Variants in POLE observed in about 807,000 individuals in gnomAD.
POLE encodes DNA polymerase epsilon, catalytic subunit.
In POLE, 188 loss-of-function variants were observed where a neutral mutation model predicts 279.2. That is an observed-to-expected ratio of 0.67 (90% CI 0.60 to 0.76). The LOEUF (loss-of-function observed/expected upper bound fraction) is 0.76. Among genes scored for constraint, POLE ranks in the 30% least tolerant of loss-of-function variants. POLE has a pLI of 0.00. For synonymous variants in POLE, 1,214 were observed against 1,172.5 expected, an observed-to-expected ratio of 1.04 and a Z score of -0.72; for missense variants, 2,703 against 3,016.7, an observed-to-expected ratio of 0.90 and a Z score of 2.44.
intron 1 of POLE, among the ~76,000 whole-genome samples, chr12:132,685,859 G>A (rs570515515): frequency 6.6e-6 from 1 of 151,806 alleles, no homozygotes; most frequent in South Asian, 2.1e-4. Context: ...AAAGCTTCAC[G>A]TTCTCACACG....
At chr12:132,682,868 G>A (rs549234346) in intron 1 of POLE, among the ~76,000 whole-genome samples, 1 of 151,894 alleles carries the variant, frequency 6.6e-6, no homozygotes, top group Non-Finnish European at 1.5e-5. Context: ...CAGGAGAATG[G>A]CGTGAATCCA....
chr12:132,675,984 A>C lies in POLE; in HGVS notation c.1020+110T>G, dbSNP rs1157682816. 1 of 923,986 alleles carries C rather than the reference A, an allele frequency of 1.1e-6. No homozygotes were observed. Among genetic ancestry groups the C allele is most frequent in the Non-Finnish European group, 1.7e-6 (1 of 591,114 alleles). 57.2% of individuals were successfully genotyped at this position (923,986 alleles called of 1,614,324 possible). A position where few individuals can be genotyped will look rare whatever the true frequency, so the allele number is the denominator to read the frequency against. ...AAAGACGGTCATACCCTGAGAACAAAGCTCATGGAGCTGCAATTCTGATCT... is the reference window on the plus strand; with the variant it reads ...AAAGACGGTCATACCCTGAGAACAACGCTCATGGAGCTGCAATTCTGATCT... On this transcript the variant is annotated intron_variant, in intron 10 of 48. Transcript: ENST00000320574. The surrounding 1 kb of genome is among the most constrained non-coding windows in gnomAD (Gnocchi z 4.3).
At position 132,636,050 on chromosome 12, in the gene POLE, G is replaced by A. The variant is rs1408593795; in HGVS notation, c.5679-26C>T. The stretch of plus-strand genomic sequence containing the variant: ...CTGCAGAGGAAGCATTGAAGACGCT[G>A]CTTCAGTGAAATCGACCTTGTTCTC... On this transcript the variant is annotated intron_variant, in intron 41 of 48. Coordinates refer to ENST00000320574, the MANE Select transcript of POLE (RefSeq NM_006231.4). 5 of 1,601,468 alleles carry A rather than the reference G, an allele frequency of 3.1e-6. No homozygotes were observed. The highest frequency in any genetic ancestry group is 3.4e-6 in the Non-Finnish European group (4 of 1,173,960).
chr12:132,625,088 C>A, intron 47 of POLE, 94 bp from the exon 48 acceptor site: 1 of 912,562 alleles, frequency 1.1e-6, no homozygotes, highest in Non-Finnish European at 1.8e-6. Context: ...CATTCGTGGG[C>A]CCATCAGTAA....
intron 47 of POLE, chr12:132,625,434 C>G (rs772068192): frequency 1.3e-6 from 1 of 773,598 alleles, no homozygotes; most frequent in Admixed American, 1.7e-5. Flanking sequence ...AACGAAGCAC[C>G]CACAAGGCCA....
intron 1 of POLE, 85 bp downstream of exon 1, chr12:132,687,169 T>A: frequency 1.2e-6 from 1 of 833,532 alleles, no homozygotes; most frequent in Non-Finnish European, 1.6e-6. Context: ...CGGGCCTCCC[T>A]CCCGCCTCGG....
Position 132,643,669 on chromosome 12 carries a change from C to T in POLE, c.4291-109G>A. The T allele has an allele frequency of 2.6e-6, 4 of 1,532,268 alleles. 1 individual carries two copies. In the South Asian group the frequency reaches 4.7e-5, roughly 18 times the overall value. The allele number at this position is 1,532,268 out of a possible 1,614,324, so 94.9% of individuals were successfully genotyped here. ...TGTGCCCCTGCAGCTGCCCGGCCCA[C>T]TGCCCAAAGGCCACTTTTGGCAGAC... On this transcript the variant is annotated intron_variant, in intron 33 of 48. Transcript: ENST00000320574.
intron 13 of POLE, 70 bp from the exon 14 acceptor site, chr12:132,673,347 A>C: frequency 8.0e-7 from 1 of 1,255,310 alleles, no homozygotes; most frequent in Non-Finnish European, 1.2e-6. Flanking sequence ...GAAGCACAGA[A>C]AGCAAAGCCT....
chr12:132,639,768 A>G lies in POLE; in HGVS notation c.5379-470T>C, dbSNP rs530221274. ...AGAGTTTGAGACCAACCTGGCCAAC[A>G]TGGTGAAACCCCGTCTCTATTAAAA... On this transcript the variant is annotated intron_variant, in intron 39 of 48. Transcript: ENST00000320574. The surrounding 1 kb of genome is among the most constrained non-coding windows in gnomAD (Gnocchi z 4.7). 2.0e-5 allele frequency among the ~76,000 whole-genome samples: 3 copies of G among 152,298 alleles called. No individual in the cohort carries two copies. Among genetic ancestry groups the G allele is most frequent in the East Asian group, 1.9e-4 (1 of 5,172 alleles).
At position 132,664,012 on chromosome 12, in the gene POLE, T is replaced by C. The variant is rs150091117; in HGVS notation, c.2698A>G (p.Met900Val). 9 of 1,614,072 alleles carry C rather than the reference T, an allele frequency of 5.6e-6. No individual in the cohort carries two copies. The African/African-American group carries it at 6.7e-5, about 12-fold the overall frequency. ...ISYPGAMLNI[M>V]VKEGFTNDQY... ...AGAGGCCCCAGACTCACCTTGACCA[T>C]GATGTTCAACATGGCGCCTGGGTAG... is the stretch of plus-strand genomic sequence containing the variant. Residue 900 changes from methionine to valine, a missense_variant, in exon 23 of 49, where the codon ATG becomes GTG. By Grantham distance (21) the Met-to-Val change is conservative. Transcript: ENST00000320574. The surrounding 1 kb of genome is among the most constrained non-coding windows in gnomAD (Gnocchi z 5.3).
chr12:132,670,431 T>G (rs2042898594), intron 16 of POLE, among the ~76,000 whole-genome samples: 1 of 151,028 alleles, frequency 6.6e-6, no homozygotes, highest in Non-Finnish European at 1.5e-5. Context: ...GTATTTTTAG[T>G]AGAGACGGGG....
rs574704264 is a variant in POLE, at chr12:132,632,384, A to G, written c.6261T>C (p.Phe2087=). The G allele has an allele frequency of 6.2e-7, 1 of 1,614,126 alleles. No homozygotes were observed. Among genetic ancestry groups the G allele is most frequent in the African/African-American group, 1.3e-5 (1 of 75,060 alleles). The change falls in exon 45 of 49, where the codon TTT becomes TTC. Residue 2087 remains phenylalanine, a synonymous_variant. Transcript: ENST00000320574. The part of the protein sequence containing the change: ...SRNSTELSEM[F]PVLPGSHLLL... The stretch of plus-strand genomic sequence containing the variant: ...GCAAGTGGGAACCGGGGAGGACAGG[A>G]AACATCTCTGAGAGCTCAGTGGAGT...
In POLE at chr12:132,668,617, C is replaced by A; in HGVS notation, c.2026+18G>T. On this transcript the variant is annotated intron_variant, in intron 18 of 48. Coordinates refer to ENST00000320574, the MANE Select transcript of POLE (RefSeq NM_006231.4). This position sits in a 1 kb window ranked among gnomAD's most constrained non-coding sequence, Gnocchi z 4.0. ...ACCCGTTTCCCACCGAGTGCCCACC[C>A]AGGCGGCCGACACTCACTGAACTCG... 1 of 1,603,160 alleles carries A rather than the reference C, an allele frequency of 6.2e-7. No homozygotes were observed. Among genetic ancestry groups the A allele is most frequent in the Non-Finnish European group, 8.5e-7 (1 of 1,171,340 alleles).
At chr12:132,677,250 T>C (rs2043074843) in intron 8 of POLE, 113 bp downstream of exon 8, 4 of 787,524 alleles carry the variant, frequency 5.1e-6, no homozygotes, top group Non-Finnish European at 9.0e-6. Flanking sequence ...ATAAAGTATT[T>C]GGGGGAAAAG....
At chr12:132,635,864 C>T (rs2138484040) in intron 42 of POLE, 28 bp downstream of exon 42, 1 of 1,590,630 alleles carries the variant, frequency 6.3e-7, no homozygotes, top group Non-Finnish European at 8.6e-7. Context: ...CCAAAGCTGG[C>T]TCGGGTGCCA....
intron 26 of POLE, chr12:132,658,173 C>G (rs555107477): frequency 5.9e-6 from 3 of 511,036 alleles, no homozygotes; most frequent in South Asian, 4.2e-5. Context: ...TAAACACGTG[C>G]GTGTGTGCAC....
chr12:132,642,034 C>A (rs2042155602), intron 38 of POLE, 143 bp downstream of exon 38: 4 of 945,600 alleles, frequency 4.2e-6, no homozygotes, highest in Admixed American at 2.3e-5. Context: ...GACCTTGACC[C>A]CAGGACCGTC....
intron 32 of POLE, 111 bp downstream of exon 32, chr12:132,648,818 A>G: frequency 8.5e-7 from 1 of 1,178,486 alleles, no homozygotes. Flanking sequence ...GAATTCCTAG[A>G]ACATCCCCAT....
rs533777227 is a variant in POLE at position 132,679,895 on chromosome 12, G to T, written c.423+59C>A. ...ATTTCTACCTCTTCCGATCCCACCT[G>T]CCAGGAACAATGTAGACTCTGGCCT... is the stretch of plus-strand genomic sequence containing the variant. On this transcript the variant is annotated intron_variant, in intron 5 of 48. Transcript: ENST00000320574. The T allele has an allele frequency of 1.1e-5, 14 of 1,284,324 alleles. No individual in the cohort carries two copies. The East Asian group carries it at 3.2e-4, about 30-fold the overall frequency. 79.6% of individuals were successfully genotyped at this position (1,284,324 alleles called of 1,614,324 possible).
Sources: gnomAD v4.1 joint callset for allele counts (sites outside exome capture counted in the v4.1 genomes callset) on GRCh38, gnomAD v4.1.1 for gene constraint, Gnocchi (gnomAD v3.1) non-coding constraint, MANE v1.5 for transcripts, NCBI Gene and HGNC (gene_info 2026-07-23, HGNC 2026-07-21) for gene names.